Variants in ZDHHC14 observed in about 807,000 individuals in gnomAD.
The protein encoded by ZDHHC14 is palmitoyltransferase ZDHHC14.
ZDHHC14 carries 16 observed loss-of-function variants against 47.7 expected under a neutral mutation model. That is an observed-to-expected ratio of 0.34 (90% CI 0.23 to 0.51). The LOEUF (loss-of-function observed/expected upper bound fraction) is 0.51. ZDHHC14 is among the 20% of genes least tolerant of loss of function. The pLI, the probability that ZDHHC14 is intolerant of heterozygous loss-of-function variation, is 0.97. For missense variants in ZDHHC14, 515 were observed against 662.5 expected (o/e 0.78, Z 2.44); for synonymous variants, 293 against 278.9 (o/e 1.05, Z -0.50).
At chr6:157,560,067 A>T (rs1271465130) in intron 2 of ZDHHC14, among the ~76,000 whole-genome samples, 1 of 152,208 alleles carries the variant, frequency 6.6e-6, no homozygotes, top group Admixed American at 6.6e-5. Flanking sequence ...GATGAATTAC[A>T]CTATACCTTT....
At chr6:157,505,403 G>A (rs977406740) in intron 1 of ZDHHC14, among the ~76,000 whole-genome samples, 41 of 152,196 alleles carry the variant, frequency 2.7e-4, no homozygotes, top group Non-Finnish European at 5.0e-4. Flanking sequence ...AGTTCAGGGA[G>A]AGGACCTAGA....
chr6:157,591,258 G>A (rs531850921), intron 2 of ZDHHC14, among the ~76,000 whole-genome samples: 21 of 152,290 alleles, frequency 1.4e-4, no homozygotes, highest in African/African-American at 5.1e-4. Flanking sequence ...AGATTTGGGA[G>A]GGGCCAGGGG....
intron 1 of ZDHHC14, among the ~76,000 whole-genome samples, chr6:157,382,576 C>T (rs1442120591): frequency 1.3e-5 from 2 of 152,114 alleles, no homozygotes; most frequent in African/African-American, 2.4e-5. Context: ...ATCCTTGGGG[C>T]GCTCTCTACC....
At chr6:157,653,844 C>T (rs751232597) in intron 8 of ZDHHC14, among the ~76,000 whole-genome samples, 1 of 152,192 alleles carries the variant, frequency 6.6e-6, no homozygotes, top group Non-Finnish European at 1.5e-5. Flanking sequence ...TGCTTGTTCA[C>T]AGTTGCGCAG....
intron 7 of ZDHHC14, among the ~76,000 whole-genome samples, chr6:157,649,234 T>C (rs1777703492): frequency 6.6e-6 from 1 of 152,192 alleles, no homozygotes; most frequent in Non-Finnish European, 1.5e-5. Context: ...TTCATGAATC[T>C]GGCAGCTCCA....
At chr6:157,489,322 C>T (rs1293933129) in intron 1 of ZDHHC14, among the ~76,000 whole-genome samples, 1 of 152,164 alleles carries the variant, frequency 6.6e-6, no homozygotes. Context: ...CCTTCGTAAA[C>T]GTTGTAGTAG....
At chr6:157,570,756 CACACACACACACACATATATATAT>C (rs1167625319) in intron 2 of ZDHHC14, among the ~76,000 whole-genome samples, 1 of 69,876 alleles carries the variant, frequency 1.4e-5, no homozygotes, top group Admixed American at 1.2e-4. Context: ...TATATACATA[CACACACACACACACATATATATAT>C]ACACACACAC....
At chr6:157,603,566 CTGA>C in intron 3 of ZDHHC14, among the ~76,000 whole-genome samples, 1 of 152,234 alleles carries the variant, frequency 6.6e-6, no homozygotes, top group East Asian at 1.9e-4. Flanking sequence ...ATAAAGTGAG[CTGA>C]TGACAGGTAG....
chr6:157,666,692 GT>G (rs1016627871), intron 8 of ZDHHC14, among the ~76,000 whole-genome samples: 1 of 152,190 alleles, frequency 6.6e-6, no homozygotes, highest in African/African-American at 2.4e-5. Context: ...AAAGCTCCTA[GT>G]TTTGCTTTTA....
In ZDHHC14 at chr6:157,405,532, G is replaced by A. The variant is rs536409768; in HGVS notation, c.245+23266G>A. Among the ~76,000 whole-genome samples the A allele has an allele frequency of 2.6e-5, 4 of 151,958 alleles. No individual in the cohort carries two copies. The East Asian group carries it at 7.7e-4, about 29-fold the overall frequency. ...CAGGCGTGAGCCACCGTGCCTGGCC[G>A]AGCTCAAAATTTTTTTTAAAAAAAA... On this transcript the variant is annotated intron_variant, in intron 1 of 8. Transcript: ENST00000359775.
chr6:157,643,421 G>A (rs1777350673), intron 5 of ZDHHC14, among the ~76,000 whole-genome samples: 1 of 151,934 alleles, frequency 6.6e-6, no homozygotes, highest in South Asian at 2.1e-4. Context: ...AGCACTTTGG[G>A]AGGATCACCT....
chr6:157,593,203 G>A lies in ZDHHC14; in HGVS notation c.565+57G>A, dbSNP rs578095306. The A allele has an allele frequency of 1.8e-5, 28 of 1,559,612 alleles. No homozygotes were observed. In the African/African-American group the frequency reaches 2.7e-4, roughly 15 times the overall value. On this transcript the variant is annotated intron_variant, in intron 3 of 8. Transcript: ENST00000359775. ...GCCCGGGTCCTCCGGGTGGGTTTGC[G>A]CCTCTCCAACCCTGCGCCACGGAAC... is the stretch of plus-strand genomic sequence containing the variant.
At position 157,653,913 on chromosome 6, in the gene ZDHHC14, C is replaced by A. The variant is rs112422939; in HGVS notation, c.1068+286C>A. ...CAGCTTGAGGCACGTGGATGGAAGC[C>A]CCTTATACAGGATCAGGCTGTTGTT... On this transcript the variant is annotated intron_variant, in intron 8 of 8. Transcript: ENST00000359775. 2.6e-4 allele frequency among the ~76,000 whole-genome samples: 40 copies of A among 152,234 alleles called. 1 individual carries two copies. Among genetic ancestry groups the A allele is most frequent in the African/African-American group, 7.9e-4 (33 of 41,518 alleles).
chr6:157,430,191 C>T (rs183597336), intron 1 of ZDHHC14, among the ~76,000 whole-genome samples: 186 of 151,868 alleles, frequency 1.2e-3, no homozygotes, highest in Non-Finnish European at 2.4e-3. Context: ...TGGTGTGCAC[C>T]TGTAGTTCCA....
intron 2 of ZDHHC14, among the ~76,000 whole-genome samples, chr6:157,581,949 G>A (rs149989888): frequency 1.3e-5 from 2 of 152,178 alleles, no homozygotes; most frequent in East Asian, 3.9e-4. Context: ...AGGCTGGAGT[G>A]CAGTGGCACA....
intron 1 of ZDHHC14, among the ~76,000 whole-genome samples, chr6:157,468,430 C>G (rs1375181388): frequency 6.6e-6 from 1 of 152,196 alleles, no homozygotes; most frequent in Non-Finnish European, 1.5e-5. Flanking sequence ...CACAAGCCTT[C>G]CCCTTAATTG....
At chr6:157,529,399 A>G (rs1189370864) in intron 1 of ZDHHC14, among the ~76,000 whole-genome samples, 1 of 152,234 alleles carries the variant, frequency 6.6e-6, no homozygotes, top group East Asian at 1.9e-4. Context: ...GTATTTTGCA[A>G]TAACAGGAGC....
chr6:157,596,944 G>T (rs1268719001), intron 3 of ZDHHC14, among the ~76,000 whole-genome samples: 2 of 152,140 alleles, frequency 1.3e-5, no homozygotes, highest in Non-Finnish European at 2.9e-5. Context: ...CTGTAATCTG[G>T]AAGGATTTAG....
At chr6:157,579,001 T>C (rs1399051067) in intron 2 of ZDHHC14, among the ~76,000 whole-genome samples, 2 of 152,184 alleles carry the variant, frequency 1.3e-5, no homozygotes, top group Non-Finnish European at 2.9e-5. Context: ...AGTCAGGTAA[T>C]GTGATGCTTC....
Sources: allele counts gnomAD v4.1 joint callset (sites outside exome capture counted in the v4.1 genomes callset), GRCh38; gene constraint gnomAD v4.1.1; transcripts MANE v1.5; gene names NCBI Gene and HGNC (gene_info 2026-07-23, HGNC 2026-07-21).